Variants in ATG10 observed in about 807,000 individuals in gnomAD.
ATG10 encodes the protein ubiquitin-like-conjugating enzyme ATG10.
In ATG10, 30 loss-of-function variants were observed where a neutral mutation model predicts 32.1. The ratio of observed to expected loss-of-function variants is 0.94; its 90% CI spans 0.70 to 1.27. ATG10 has a LOEUF of 1.27. ATG10 is among the 50% of genes most tolerant of loss of function. The pLI, the probability that ATG10 is intolerant of heterozygous loss-of-function variation, is 0.00. For synonymous variants in ATG10, 87 were observed against 91.5 expected (o/e 0.95, Z 0.28); for missense variants, 233 against 262.3 (o/e 0.89, Z 0.77).
At chr5:81,975,511 T>C (rs1185760788) in intron 1 of ATG10, among the ~76,000 whole-genome samples, 2 of 152,056 alleles carry the variant, frequency 1.3e-5, no homozygotes, top group Non-Finnish European at 1.5e-5. Context: ...CAAAACCCTG[T>C]CTCTACAAAA....
chr5:82,030,060 C>T (rs1008728192), intron 2 of ATG10, among the ~76,000 whole-genome samples: 1 of 152,104 alleles, frequency 6.6e-6, no homozygotes, highest in Non-Finnish European at 1.5e-5. Flanking sequence ...AAATTCCCAC[C>T]ACTGGTCTCA....
At chr5:82,052,683 ATATT>A (rs1763468345) in intron 2 of ATG10, among the ~76,000 whole-genome samples, 1 of 152,166 alleles carries the variant, frequency 6.6e-6, no homozygotes, top group Non-Finnish European at 1.5e-5. Flanking sequence ...CTTTCCGGAT[ATATT>A]CAGTGTACAC....
At chr5:82,125,279 T>G (rs1193593898) in intron 3 of ATG10, among the ~76,000 whole-genome samples, 1 of 152,226 alleles carries the variant, frequency 6.6e-6, no homozygotes, top group East Asian at 1.9e-4. Flanking sequence ...GTGCAGAAGC[T>G]CTTTAGTTTA....
intron 2 of ATG10, among the ~76,000 whole-genome samples, chr5:82,027,667 A>G (rs1762634268): frequency 6.6e-6 from 1 of 152,216 alleles, no homozygotes; most frequent in African/African-American, 2.4e-5. Context: ...TTTTACAGAT[A>G]TTGTTCTTAC....
At chr5:81,973,513 A>T (rs1760787785) in intron 1 of ATG10, among the ~76,000 whole-genome samples, 1 of 152,242 alleles carries the variant, frequency 6.6e-6, no homozygotes, top group Non-Finnish European at 1.5e-5. Context: ...GCTTTTGAGC[A>T]CACTAAGCCA....
intron 3 of ATG10, among the ~76,000 whole-genome samples, chr5:82,125,918 T>G (rs1365503140): frequency 6.6e-6 from 1 of 151,986 alleles, no homozygotes; most frequent in African/African-American, 2.4e-5. Flanking sequence ...CATGGAATGT[T>G]TTTTTCTATT....
chr5:82,120,671 A>T (rs1461597798), intron 3 of ATG10, among the ~76,000 whole-genome samples: 2 of 151,802 alleles, frequency 1.3e-5, no homozygotes, highest in Non-Finnish European at 2.9e-5. Flanking sequence ...TTTTTTTTTA[A>T]GCCCCAGCCA....
At chr5:82,146,132 G>A (rs186704697) in intron 3 of ATG10, among the ~76,000 whole-genome samples, 1 of 152,136 alleles carries the variant, frequency 6.6e-6, no homozygotes, top group East Asian at 1.9e-4. Flanking sequence ...TATAGTACAG[G>A]CCTGGTGGTA....
intron 3 of ATG10, among the ~76,000 whole-genome samples, chr5:82,119,926 T>C (rs1355436639): frequency 6.6e-6 from 1 of 152,044 alleles, no homozygotes; most frequent in African/African-American, 2.4e-5. Flanking sequence ...CAACAAACCC[T>C]TTTCTTTGGA....
chr5:82,060,867 T>G (rs938308098), intron 3 of ATG10, among the ~76,000 whole-genome samples: 1 of 151,790 alleles, frequency 6.6e-6, no homozygotes, highest in Non-Finnish European at 1.5e-5. Context: ...AAAAAAAAAG[T>G]TCATGTTAAG....
chr5:82,170,816 C>T (rs190209636), intron 4 of ATG10, among the ~76,000 whole-genome samples: 4 of 152,160 alleles, frequency 2.6e-5, no homozygotes, highest in African/African-American at 9.6e-5. Flanking sequence ...GGCATGGTAG[C>T]AAGCGCCTGT....
chr5:81,977,348 TG>T (rs1760900124), intron 1 of ATG10, among the ~76,000 whole-genome samples: 2 of 152,218 alleles, frequency 1.3e-5, no homozygotes, highest in South Asian at 4.1e-4. Flanking sequence ...GGAGCTCTAC[TG>T]GCATTTTTAC....
At chr5:82,073,662 A>G (rs185432987) in intron 3 of ATG10, 21 of 152,324 alleles carry the variant, frequency 1.4e-4, no homozygotes, top group African/African-American at 4.8e-4. Flanking sequence ...ATTAAATATC[A>G]TGAAGTAAAA....
chr5:82,226,041 TTCTC>T (rs1250005871), intron 5 of ATG10, among the ~76,000 whole-genome samples: 1 of 151,848 alleles, frequency 6.6e-6, no homozygotes, highest in East Asian at 1.9e-4. Flanking sequence ...TATTCTTACT[TTCTC>T]TCTCTCTCTG....
In ATG10 at chr5:82,121,941, G is replaced by GTTTTTTTTTTTTTTTTTTTTTTTTTTT. The variant is rs77349086; in HGVS notation, c.217-42439_217-42438insTTTTTTTTTTTTTTTTTTTTTTTTTTT. ...GATTTTGCATCAATATTGGCCTGAA[G>GTTTTTTTTTTTTTTTTTTTTTTTTTTT]TTTTTTTTTTTTTTTTTTTATGTCT... On this transcript the variant is annotated intron_variant, in intron 3 of 7. Coordinates refer to ENST00000282185, the MANE Select transcript of ATG10 (RefSeq NM_031482.5). Among the ~76,000 whole-genome samples the GTTTTTTTTTTTTTTTTTTTTTTTTTTT allele has an allele frequency of 2.2e-4, 27 of 121,000 alleles. 2 individuals are homozygous for GTTTTTTTTTTTTTTTTTTTTTTTTTTT. The highest frequency in any genetic ancestry group is 4.5e-3 in the Middle Eastern group (1 of 224). The allele number at this position is 121,000 out of a possible 152,430, so 79.4% of individuals were successfully genotyped here. A position where few individuals can be genotyped will look rare whatever the true frequency, so the allele number is the denominator to read the frequency against.
intron 5 of ATG10, among the ~76,000 whole-genome samples, chr5:82,237,410 A>T (rs1325175037): frequency 6.6e-6 from 1 of 152,062 alleles, no homozygotes; most frequent in Non-Finnish European, 1.5e-5. Flanking sequence ...TTGGGAGGCC[A>T]AGGCAGGCGG....
At position 82,255,484 on chromosome 5, in the gene ATG10, T is replaced by C. The variant is rs946163132; in HGVS notation, c.*1421T>C. ...AATGTCATTGGCTTTTTAGAGAGTC[T>C]AGATTAGTGTGTCTTTGAATGAGGG... On this transcript the variant is annotated 3_prime_UTR_variant, in exon 8 of 8. Coordinates refer to ENST00000282185, the MANE Select transcript of ATG10 (RefSeq NM_031482.5). 6.6e-6 allele frequency: 1 copy of C among 152,162 alleles called. No homozygotes were observed. The highest frequency in any genetic ancestry group is 1.5e-5 in the Non-Finnish European group (1 of 68,026). 9.4% of individuals were successfully genotyped at this position (152,162 alleles called of 1,614,324 possible). A position where few individuals can be genotyped will look rare whatever the true frequency, so the allele number is the denominator to read the frequency against.
intron 2 of ATG10, among the ~76,000 whole-genome samples, chr5:81,991,190 G>A (rs1231819687): frequency 6.6e-6 from 1 of 152,186 alleles, no homozygotes; most frequent in Non-Finnish European, 1.5e-5. Context: ...AAAGGGAATT[G>A]TGAATCAGTC....
rs552133225 is a variant in ATG10 at position 81,983,131 on chromosome 5, C to T, written c.-12-4428C>T. Among the ~76,000 whole-genome samples, 198 of 151,746 alleles carry T rather than the reference C, an allele frequency of 1.3e-3. 1 individual carries two copies. The highest frequency in any genetic ancestry group is 4.6e-3 in the African/African-American group (189 of 41,408). On this transcript the variant is annotated intron_variant, in intron 1 of 7. Transcript: ENST00000282185. ...CTCCTCACTTCCCAGTAGGGGCGGC[C>T]GGACAGAGGTGCCCCTCACCTCCTG...
Sources: allele counts gnomAD v4.1 joint callset (sites outside exome capture counted in the v4.1 genomes callset), GRCh38; gene constraint gnomAD v4.1.1; transcripts MANE v1.5; gene names NCBI Gene and HGNC (gene_info 2026-07-23, HGNC 2026-07-21).